SNX10: variants seen among roughly 807,000 people sequenced by gnomAD.
SNX10 encodes sorting nexin 10, also known as sorting nexin-10.
Under a neutral mutation model 28.5 loss-of-function variants are expected in SNX10, and 25 were observed. That is an observed-to-expected ratio of 0.88 (90% confidence interval 0.64 to 1.22). SNX10 has a LOEUF of 1.22. Among genes scored for constraint, SNX10 ranks in the 50% most tolerant of loss-of-function variants. The pLI is 0.00. For synonymous variants in SNX10, 62 were observed against 81.4 expected, an observed-to-expected ratio of 0.76 and a Z score of 1.28; for missense variants, 223 against 242.6, an observed-to-expected ratio of 0.92 and a Z score of 0.54.
intron 1 of SNX10, among the ~76,000 whole-genome samples, chr7:26,306,900 T>C (rs1293445094): frequency 6.6e-6 from 1 of 152,208 alleles, no homozygotes; most frequent in East Asian, 1.9e-4. Flanking sequence ...CTCTTACAGA[T>C]GAGAACACTG....
At position 26,365,201 on chromosome 7, in the gene SNX10, A is replaced by G. The variant is rs901778398; in HGVS notation, c.311+56A>G. ...AAGGGGTGTGAGCAAGTGCTTTACA[A>G]GAGCTGCATGGTGGTGTGGGGAAGA... On this transcript the variant is annotated intron_variant, in intron 5 of 6. Transcript: ENST00000338523. 1.4e-5 allele frequency: 14 copies of G among 1,003,508 alleles called. No individual in the cohort carries two copies. In the African/African-American group the frequency reaches 2.2e-4, roughly 16 times the overall value. 62.2% of individuals were successfully genotyped at this position (1,003,508 alleles called of 1,614,324 possible).
chr7:26,343,002 G>T (rs920378820), intron 1 of SNX10, among the ~76,000 whole-genome samples: 1 of 152,038 alleles, frequency 6.6e-6, no homozygotes, highest in Non-Finnish European at 1.5e-5. Context: ...TAGAGATGGG[G>T]TTTCGCCATG....
chr7:26,351,190 G>A (rs1313435404), intron 2 of SNX10, among the ~76,000 whole-genome samples: 2 of 152,198 alleles, frequency 1.3e-5, no homozygotes, highest in Non-Finnish European at 2.9e-5. Flanking sequence ...TAAATTAGAA[G>A]TGGCTTAGGA....
At chr7:26,306,129 C>G (rs1251578227) in intron 1 of SNX10, among the ~76,000 whole-genome samples, 1 of 151,448 alleles carries the variant, frequency 6.6e-6, no homozygotes, top group Non-Finnish European at 1.5e-5. Flanking sequence ...GTCTCGAACT[C>G]CTGAGCTGAA....
At chr7:26,336,363 G>C (rs1328554996) in intron 1 of SNX10, among the ~76,000 whole-genome samples, 1 of 149,924 alleles carries the variant, frequency 6.7e-6, no homozygotes, top group Non-Finnish European at 1.5e-5. Context: ...CAGTTCTTAA[G>C]TAAATATGTA....
intron 2 of SNX10, among the ~76,000 whole-genome samples, chr7:26,347,869 C>CA (rs929408451): frequency 2.6e-5 from 4 of 151,968 alleles, no homozygotes; most frequent in Admixed American, 2.6e-4. Context: ...CCACAAAAAA[C>CA]AAAAAAATTG....
chr7:26,371,804 T>C lies in SNX10; in HGVS notation c.312-17T>C. 2 of 1,014,324 alleles carry C rather than the reference T, an allele frequency of 2.0e-6. No individual in the cohort carries two copies. The highest frequency in any genetic ancestry group is 3.3e-5 in the African/African-American group (2 of 60,154). 62.8% of individuals were successfully genotyped at this position (1,014,324 alleles called of 1,614,324 possible). On this transcript the variant is annotated splice_polypyrimidine_tract_variant and intron_variant, in intron 5 of 6. Transcript: ENST00000338523. The stretch of plus-strand genomic sequence containing the variant: ...CATCCTGTTCACCAATTATTTTTCC[T>C]TTTTTTTTTAATATAGAGTCCTACA...
intron 1 of SNX10, among the ~76,000 whole-genome samples, chr7:26,326,794 C>T (rs1787518934): frequency 6.6e-6 from 1 of 151,950 alleles, no homozygotes; most frequent in African/African-American, 2.4e-5. Flanking sequence ...TTGAACTCTT[C>T]AGTTTAAGTG....
At chr7:26,314,934 G>A (rs1296206997) in intron 1 of SNX10, among the ~76,000 whole-genome samples, 2 of 152,060 alleles carry the variant, frequency 1.3e-5, no homozygotes, top group Non-Finnish European at 2.9e-5. Context: ...AAAGGCAGAG[G>A]TTGCAGTGAA....
chr7:26,361,026 T>C lies in SNX10; in HGVS notation c.76T>C (p.Trp26Arg), dbSNP rs1450445671. 6.2e-7 allele frequency: 1 copy of C among 1,610,630 alleles called. No individual in the cohort carries two copies. The highest frequency in any genetic ancestry group is 8.5e-7 in the Non-Finnish European group (1 of 1,177,374). Residue 26 changes from tryptophan to arginine, a missense_variant, in exon 3 of 7, where the codon TGG becomes CGG. By Grantham distance (101) the Trp-to-Arg change is moderately radical. Coordinates refer to ENST00000338523, the MANE Select transcript of SNX10 (RefSeq NM_013322.3). ...RDPRIQKEDF[W>R]HSYIDYEICI... ...TCCTAGGATTCAGAAGGAGGACTTC[T>C]GGCATTCTTACATTGACTATGAGAT... is the stretch of plus-strand genomic sequence containing the variant.
At chr7:26,316,010 G>A (rs1055882721) in intron 1 of SNX10, among the ~76,000 whole-genome samples, 3 of 151,530 alleles carry the variant, frequency 2.0e-5, no homozygotes, top group Admixed American at 6.6e-5. Context: ...GTGAAACCCC[G>A]TCTCTACTAA....
intron 2 of SNX10, chr7:26,360,767 A>T (rs2128021696): frequency 1.5e-6 from 2 of 1,344,472 alleles, no homozygotes; most frequent in East Asian, 5.9e-5. Context: ...GCATTATTTT[A>T]AAAATTCCAT....
chr7:26,326,757 G>T (rs1258450892), intron 1 of SNX10, among the ~76,000 whole-genome samples: 3 of 151,850 alleles, frequency 2.0e-5, no homozygotes, highest in East Asian at 3.9e-4. Flanking sequence ...AAAGAGATGG[G>T]GTCTTGCTAT....
intron 1 of SNX10, among the ~76,000 whole-genome samples, chr7:26,320,490 G>A (rs557703763): frequency 3.3e-5 from 5 of 151,776 alleles, no homozygotes; most frequent in Admixed American, 6.6e-5. Context: ...GGAGTGCAGT[G>A]GTGCGATCTC....
intron 2 of SNX10, chr7:26,360,755 T>C: frequency 8.2e-7 from 1 of 1,221,498 alleles, no homozygotes; most frequent in Non-Finnish European, 1.1e-6. Context: ...CACCTCAGTG[T>C]TGCATTATTT....
chr7:26,307,658 C>A (rs756120481), intron 1 of SNX10, among the ~76,000 whole-genome samples: 42 of 150,776 alleles, frequency 2.8e-4, no homozygotes, highest in Non-Finnish European at 5.9e-4. Flanking sequence ...TGGGGTTTTG[C>A]CATGTTGCCC....
At chr7:26,324,743 CAA>C (rs1453445787) in intron 1 of SNX10, among the ~76,000 whole-genome samples, 1 of 152,090 alleles carries the variant, frequency 6.6e-6, no homozygotes, top group Non-Finnish European at 1.5e-5. Flanking sequence ...ACTGTGATGA[CAA>C]GAGAAAACCA....
chr7:26,314,809 G>A (rs1485293002), intron 1 of SNX10, among the ~76,000 whole-genome samples: 1 of 152,048 alleles, frequency 6.6e-6, no homozygotes, highest in Non-Finnish European at 1.5e-5. Context: ...GACCAGCCTG[G>A]CCAACAGGTG....
chr7:26,317,294 A>T (rs1043567001), intron 1 of SNX10, among the ~76,000 whole-genome samples: 2 of 152,184 alleles, frequency 1.3e-5, no homozygotes, highest in African/African-American at 4.8e-5. Context: ...AAAAGTGAGT[A>T]GGGTTAACTA....
Sources: gnomAD v4.1 joint callset for allele counts (sites outside exome capture counted in the v4.1 genomes callset) on GRCh38, gnomAD v4.1.1 for gene constraint, MANE v1.5 for transcripts, NCBI Gene and HGNC (gene_info 2026-07-23, HGNC 2026-07-21) for gene names.